TCF20: variants seen among roughly 807,000 people sequenced by gnomAD.
TCF20 encodes the protein transcription factor 20, also known as SPRE-binding protein.
TCF20 carries 3 observed loss-of-function variants against 148.6 expected under a neutral mutation model. That is an observed-to-expected ratio of 0.02 (90% CI 0.01 to 0.05). The LOEUF is 0.05. Among genes scored for constraint, TCF20 ranks in the 10% least tolerant of loss-of-function variants. The pLI is 1.00. For missense variants in TCF20, 2,350 were observed against 2,429.3 expected (o/e 0.97, Z 0.69); for synonymous variants, 1,049 against 909.5 (o/e 1.15, Z -2.76).
chr22:42,177,271 CG>C (rs908779730), intron 3 of TCF20, among the ~76,000 whole-genome samples: 3 of 152,038 alleles, frequency 2.0e-5, no homozygotes, highest in African/African-American at 7.2e-5. Context: ...AAAAATTAGC[CG>C]GGCATGGTGG....
intron 2 of TCF20, among the ~76,000 whole-genome samples, chr22:42,190,295 C>T (rs971959183): frequency 2.0e-5 from 3 of 152,082 alleles, no homozygotes; most frequent in Non-Finnish European, 4.4e-5. Context: ...CCTGTCTCTA[C>T]AAAAAATAAA....
At chr22:42,336,240 A>T (rs1305518671) in intron 1 of TCF20, among the ~76,000 whole-genome samples, 1 of 152,066 alleles carries the variant, frequency 6.6e-6, no homozygotes, top group Admixed American at 6.5e-5. Context: ...AACAGCTCTC[A>T]CACCCAGGCT....
At chr22:42,327,400 C>T (rs915706557) in intron 1 of TCF20, among the ~76,000 whole-genome samples, 4 of 152,144 alleles carry the variant, frequency 2.6e-5, no homozygotes, top group African/African-American at 9.7e-5. Context: ...CCTCCCCCAA[C>T]CTGCCAATGA....
rs150587948 is a variant in TCF20, at chr22:42,290,341, G to A, written c.-37+53138C>T. On this transcript the variant is annotated intron_variant, in intron 1 of 1. Coordinates refer to the TCF20 transcript ENST00000515426. This position sits in a 1 kb window ranked among gnomAD's most constrained non-coding sequence, Gnocchi z 4.2. ...TGTCCTCTCAACACAGCAGAGCTCC[G>A]AGGAACTGGCAGCCAGGGGCTAGCT... Among the ~76,000 whole-genome samples, 115 of 152,344 alleles carry A rather than the reference G, an allele frequency of 7.5e-4. 1 individual carries two copies. Among genetic ancestry groups the A allele is most frequent in the African/African-American group, 2.5e-3 (106 of 41,576 alleles).
intron 5 of TCF20, among the ~76,000 whole-genome samples, chr22:42,161,885 C>T (rs1420227500): frequency 6.6e-6 from 1 of 151,964 alleles, no homozygotes; most frequent in African/African-American, 2.4e-5. Flanking sequence ...GCAGCCTTGA[C>T]CTCCTGGGCT....
intron 5 of TCF20, among the ~76,000 whole-genome samples, chr22:42,162,481 C>T (rs1457945172): frequency 1.3e-5 from 2 of 152,126 alleles, no homozygotes; most frequent in African/African-American, 2.4e-5. Context: ...TGATGGCCCA[C>T]GTAGGACAGA....
chr22:42,312,566 A>G (rs1345449317), intron 1 of TCF20, among the ~76,000 whole-genome samples: 1 of 152,150 alleles, frequency 6.6e-6, no homozygotes, highest in East Asian at 1.9e-4. Context: ...ATCAAAGCCC[A>G]AGGTGATGAC....
intron 4 of TCF20, among the ~76,000 whole-genome samples, chr22:42,169,525 G>T (rs1221221546): frequency 6.6e-6 from 1 of 152,216 alleles, no homozygotes; most frequent in Non-Finnish European, 1.5e-5. Context: ...GTGAATTGGG[G>T]TTCTATTCAC....
At chr22:42,182,187 A>G (rs1601538037) in intron 2 of TCF20, among the ~76,000 whole-genome samples, 1 of 152,338 alleles carries the variant, frequency 6.6e-6, no homozygotes, top group South Asian at 2.1e-4. Flanking sequence ...CATGCTCTGG[A>G]ACCTAAATAA....
At position 42,211,437 on chromosome 22, in the gene TCF20, T is replaced by G; in HGVS notation, c.3869A>C (p.Glu1290Ala). The G allele has an allele frequency of 6.2e-7, 1 of 1,614,192 alleles. No individual in the cohort carries two copies. The highest frequency in any genetic ancestry group is 8.5e-7 in the Non-Finnish European group (1 of 1,180,034). The part of the protein sequence containing the change: ...DKGRLLHSSK[E>A]GADKAFNSYA... ...GGAATTGAATGCTTTATCAGCGCCTTCTTTTGATGAGTGAAGGAGGCGACC... is the reference window on the plus strand; with the variant it reads ...GGAATTGAATGCTTTATCAGCGCCTGCTTTTGATGAGTGAAGGAGGCGACC... Residue 1290 changes from glutamate to alanine, a missense_variant, in exon 2 of 6, where the codon GAA becomes GCA. Coordinates refer to ENST00000677622, the MANE Select transcript of TCF20 (RefSeq NM_001378418.1).
At chr22:42,277,850 A>G (rs134886) in intron 1 of TCF20, among the ~76,000 whole-genome samples, 81,581 of 152,102 alleles carry the variant, frequency 0.54, 23,856 homozygotes, top group East Asian at 0.66. Flanking sequence ...GTGAGTTTCC[A>G]TATCCCTCTT....
intron 5 of TCF20, among the ~76,000 whole-genome samples, chr22:42,168,298 C>T (rs5751232): frequency 0.18 from 27,096 of 152,028 alleles, 2,698 homozygotes; most frequent in East Asian, 0.34. Flanking sequence ...AGATGCCCTG[C>T]CCAAGAAAGA....
intron 1 of TCF20, among the ~76,000 whole-genome samples, chr22:42,264,870 G>A (rs937064436): frequency 1.3e-5 from 2 of 152,066 alleles, no homozygotes; most frequent in Non-Finnish European, 2.9e-5. Context: ...ACATGCACGC[G>A]GACCTTAATC....
At chr22:42,312,937 CCTGGGGAGCCAGCTCCAGTA>C (rs1301169098) in intron 1 of TCF20, among the ~76,000 whole-genome samples, 1 of 152,176 alleles carries the variant, frequency 6.6e-6, no homozygotes, top group Non-Finnish European at 1.5e-5. Context: ...GAAGCTGGGT[CCTGGGGAGCCAGCTCCAGTA>C]CTGGGGGTGG....
rs375635215 is a variant in TCF20, at chr22:42,338,891, G to A, written c.-37+4588C>T. ...AAATTCTGATTAAAGCCATAATCACGGAGATCTAAGGATGGGGGTGAGCAG... is the reference window on the plus strand; with the variant it reads ...AAATTCTGATTAAAGCCATAATCACAGAGATCTAAGGATGGGGGTGAGCAG... On this transcript the variant is annotated intron_variant, in intron 1 of 1. Transcript: ENST00000515426. This position sits in a 1 kb window ranked among gnomAD's most constrained non-coding sequence, Gnocchi z 4.0. 2.6e-5 allele frequency among the ~76,000 whole-genome samples: 4 copies of A among 152,184 alleles called. No individual in the cohort carries two copies. Among genetic ancestry groups the A allele is most frequent in the African/African-American group, 7.2e-5 (3 of 41,520 alleles).
At position 42,179,721 on chromosome 22, in the gene TCF20, T is replaced by A; in HGVS notation, c.5656-19A>T. The A allele has an allele frequency of 6.4e-7, 1 of 1,569,670 alleles. No individual in the cohort carries two copies. The highest frequency in any genetic ancestry group is 8.8e-7 in the Non-Finnish European group (1 of 1,139,772). On this transcript the variant is annotated intron_variant, in intron 2 of 5. Coordinates refer to ENST00000677622, the MANE Select transcript of TCF20 (RefSeq NM_001378418.1). ...AACATTTCTGAAAGGAAGGGAAAAG[T>A]CAGGCATGTCAGTATCCCAGATTTG...
At chr22:42,256,429 G>C (rs1031157886) in intron 1 of TCF20, among the ~76,000 whole-genome samples, 1 of 150,298 alleles carries the variant, frequency 6.7e-6, no homozygotes, top group Non-Finnish European at 1.5e-5. Flanking sequence ...CTTATCTTTA[G>C]GGGAAGCCAA....
rs568811561 is a variant in TCF20, at chr22:42,334,218, A to G, written c.-37+9261T>C. Among the ~76,000 whole-genome samples the G allele has an allele frequency of 2.0e-4, 31 of 152,226 alleles. No homozygotes were observed. The East Asian group carries it at 3.9e-3, about 19-fold the overall frequency. ...ACAATTTGTAGGCTCAGCTGTCCTC[A>G]CGGCCCTTTAATATCATTTTCTCAT... On this transcript the variant is annotated intron_variant, in intron 1 of 1. Coordinates refer to the TCF20 transcript ENST00000515426.
chr22:42,231,974 CA>C (rs1390977466), intron 1 of TCF20, among the ~76,000 whole-genome samples: 6 of 148,966 alleles, frequency 4.0e-5, no homozygotes, highest in African/African-American at 1.5e-4. Flanking sequence ...TTAATAATAT[CA>C]AAACAAGAAA....
Sources: gnomAD v4.1 joint callset for allele counts (sites outside exome capture counted in the v4.1 genomes callset) on GRCh38, gnomAD v4.1.1 for gene constraint, Gnocchi (gnomAD v3.1) non-coding constraint, MANE v1.5 for transcripts, NCBI Gene and HGNC (gene_info 2026-07-23, HGNC 2026-07-21) for gene names.